SLC35D4: variants seen among roughly 807,000 people sequenced by gnomAD.
The protein encoded by SLC35D4 is UDP-N-acetylglucosamine transporter SLC35D4.
chr18:23,386,392 C>T, the SLC35D4 span, among the ~76,000 whole-genome samples: 1 of 152,008 alleles, frequency 6.6e-6, no homozygotes, highest in East Asian at 1.9e-4. Flanking sequence ...AGTGATGCAG[C>T]CACAAGCTGG....
chr18:23,389,537 T>C, the SLC35D4 span, among the ~76,000 whole-genome samples: 269 of 152,218 alleles, frequency 1.8e-3, 1 homozygote, highest in African/African-American at 6.2e-3. Flanking sequence ...AAAAACAATA[T>C]TAAGACAGTT....
chr18:23,425,763 G>A, the SLC35D4 span, among the ~76,000 whole-genome samples: 2 of 152,234 alleles, frequency 1.3e-5, no homozygotes, highest in Non-Finnish European at 2.9e-5. Flanking sequence ...AGTTGGGACA[G>A]TCTGTATATG....
the SLC35D4 span, among the ~76,000 whole-genome samples, chr18:23,265,201 G>A: frequency 2.0e-5 from 3 of 152,324 alleles, no homozygotes; most frequent in Admixed American, 2.0e-4. Context: ...GGCTCTGGAA[G>A]GAGAGACACT....
the SLC35D4 span, chr18:23,257,448 A>G: frequency 7.0e-7 from 1 of 1,429,134 alleles, no homozygotes; most frequent in Non-Finnish European, 9.4e-7. Flanking sequence ...AATGAAAAAA[A>G]GTAGAACTCA....
chr18:23,316,366 G>T, the SLC35D4 span, among the ~76,000 whole-genome samples: 1 of 152,088 alleles, frequency 6.6e-6, no homozygotes, highest in African/African-American at 2.4e-5. Context: ...CTGAGAGCAG[G>T]CTCTTTTTCT....
the SLC35D4 span, among the ~76,000 whole-genome samples, chr18:23,303,168 G>T: frequency 6.6e-6 from 1 of 152,180 alleles, no homozygotes; most frequent in Non-Finnish European, 1.5e-5. Flanking sequence ...TATGGACAAG[G>T]CAGAACAGCT....
At chr18:23,377,014 A>C in the SLC35D4 span, 1 of 454,724 alleles carries the variant, frequency 2.2e-6, no homozygotes, top group Non-Finnish European at 4.4e-6. Flanking sequence ...GAAATCCTAA[A>C]TCCATCTATC....
the SLC35D4 span, among the ~76,000 whole-genome samples, chr18:23,281,694 CG>C: frequency 1.3e-5 from 2 of 152,106 alleles, no homozygotes; most frequent in Non-Finnish European, 2.9e-5. Context: ...GAACAGGGAG[CG>C]TGTGTTTGCT....
the SLC35D4 span, among the ~76,000 whole-genome samples, chr18:23,366,522 G>A: frequency 6.6e-6 from 1 of 152,182 alleles, no homozygotes; most frequent in African/African-American, 2.4e-5. Context: ...CCAGTGTCCT[G>A]GCTTAAATTG....
chr18:23,319,750 T>C, the SLC35D4 span, among the ~76,000 whole-genome samples: 1 of 152,210 alleles, frequency 6.6e-6, no homozygotes, highest in South Asian at 2.1e-4. Flanking sequence ...ATTTCAGCAC[T>C]GTAAAGATGT....
chr18:23,404,803 T>C, the SLC35D4 span, among the ~76,000 whole-genome samples: 34 of 150,640 alleles, frequency 2.3e-4, no homozygotes, highest in African/African-American at 7.6e-4. Flanking sequence ...CTAGCCAACA[T>C]GGTGAAACCC....
chr18:23,352,092 G>A, the SLC35D4 span: 1 of 935,418 alleles, frequency 1.1e-6, no homozygotes, highest in Admixed American at 2.4e-5. Context: ...ACAGCGCCTA[G>A]AAGTGGTCTC....
At chr18:23,420,809 T>TC in the SLC35D4 span, among the ~76,000 whole-genome samples, 1 of 152,236 alleles carries the variant, frequency 6.6e-6, no homozygotes, top group South Asian at 2.1e-4. Context: ...TTAACTTTTT[T>TC]CCCCACACTA....
At chr18:23,308,705 C>G in the SLC35D4 span, among the ~76,000 whole-genome samples, 1 of 152,152 alleles carries the variant, frequency 6.6e-6, no homozygotes. Context: ...TCACTTCCTT[C>G]TGGTCTCTGC....
the SLC35D4 span, among the ~76,000 whole-genome samples, chr18:23,301,165 C>T: frequency 4.5e-3 from 685 of 152,264 alleles, 7 homozygotes; most frequent in African/African-American, 0.016. Context: ...TCTTCCTCAC[C>T]GCAATGTGTC....
At chr18:23,420,576 A>G in the SLC35D4 span, among the ~76,000 whole-genome samples, 2 of 151,902 alleles carry the variant, frequency 1.3e-5, no homozygotes, top group South Asian at 2.1e-4. Flanking sequence ...GGGTCTCCCT[A>G]TGTTGTCCAG....
chr18:23,309,637 CA>C, the SLC35D4 span: 1 of 1,565,700 alleles, frequency 6.4e-7, no homozygotes, highest in African/African-American at 1.4e-5. Context: ...TGATGAAACT[CA>C]GTAACTAATT....
the SLC35D4 span, among the ~76,000 whole-genome samples, chr18:23,327,496 C>A: frequency 6.6e-6 from 1 of 152,100 alleles, no homozygotes; most frequent in South Asian, 2.1e-4. Context: ...CAAGACTAAA[C>A]CAGGAAGAAG....
the SLC35D4 span, among the ~76,000 whole-genome samples, chr18:23,432,583 C>T: frequency 3.3e-5 from 5 of 150,536 alleles, no homozygotes; most frequent in South Asian, 4.2e-4. Context: ...CAGGAGGCTG[C>T]GGCAGGATAA....
Sources: allele counts gnomAD v4.1 joint callset (sites outside exome capture counted in the v4.1 genomes callset), GRCh38; gene constraint gnomAD v4.1.1; transcripts MANE v1.5; gene names NCBI Gene and HGNC (gene_info 2026-07-23, HGNC 2026-07-21).